C1S: variants seen among roughly 807,000 people sequenced by gnomAD.
The protein encoded by C1S is complement C1s.
C1S carries 31 observed loss-of-function variants against 54.0 expected under a neutral mutation model. That is an observed-to-expected ratio of 0.57 (90% CI 0.43 to 0.78). The LOEUF (loss-of-function observed/expected upper bound fraction) is 0.78. C1S is among the 30% of genes least tolerant of loss of function. The pLI, the probability that C1S is intolerant of heterozygous loss-of-function variation, is 0.00. For synonymous variants in C1S, 292 were observed against 303.6 expected (o/e 0.96, Z 0.40); for missense variants, 727 against 851.8 (o/e 0.85, Z 1.82).
Position 7,070,115 on chromosome 12 carries a change from C to T in C1S, c.1531C>T (p.His511Tyr), listed in dbSNP as rs1565624758. The change falls in exon 12 of 12, where the codon CAT becomes TAT. Residue 511 changes from histidine (H) to tyrosine (Y), a missense_variant. Around this residue, in one of 3 missense-constraint regions of C1S, gnomAD observed 360 missense variants for 453.6 expected, o/e 0.79. Transcript: ENST00000360817. This position sits in a 1 kb window ranked among gnomAD's most constrained non-coding sequence, Gnocchi z 4.9. ...KMLTPEHVFI[H>Y]PGWKLLEVPE... is the part of the protein sequence containing the mutation. ...GCTCACTCCTGAGCATGTGTTTATT[C>T]ATCCGGGATGGAAGCTGCTGGAAGT... 1 of 1,614,060 alleles carries T rather than the reference C, an allele frequency of 6.2e-7. No homozygotes were observed. The highest frequency in any genetic ancestry group is 1.3e-5 in the African/African-American group (1 of 74,936).
At chr12:7,063,488 A>G (rs782283580) in intron 4 of C1S, 48 of 383,136 alleles carry the variant, frequency 1.3e-4, no homozygotes, top group South Asian at 8.4e-4. Context: ...CCCATTCAAT[A>G]TATGGCATTC....
intron 11 of C1S, among the ~76,000 whole-genome samples, chr12:7,068,991 TG>T (rs1937757132): frequency 6.6e-6 from 1 of 152,224 alleles, no homozygotes; most frequent in Non-Finnish European, 1.5e-5. Context: ...ATAACCATCC[TG>T]GGTGGTACTG....
At position 7,070,287 on chromosome 12, in the gene C1S, C is replaced by T. The variant is rs1937813563; in HGVS notation, c.1703C>T (p.Ser568Leu). Residue 568 changes from serine (S) to leucine (L), a missense_variant, in exon 12 of 12, where the codon TCA becomes TTA. Coordinates refer to ENST00000360817, the MANE Select transcript of C1S (RefSeq NM_001734.5). The surrounding 1 kb of genome is among the most constrained non-coding windows in gnomAD (Gnocchi z 4.9). Reference protein sequence around the residue: ...NLMDGDLGLISGWGRTEKRDR... With the variant: ...NLMDGDLGLILGWGRTEKRDR... ...ATGGATGGGGACCTGGGACTGATCT[C>T]AGGCTGGGGCCGAACAGAGAAGAGA... The T allele has an allele frequency of 6.2e-7, 1 of 1,614,132 alleles. No individual in the cohort carries two copies. Among genetic ancestry groups the T allele is most frequent in the Non-Finnish European group, 8.5e-7 (1 of 1,180,046 alleles).
chr12:7,062,121 AT>A, intron 2 of C1S: 9 of 587,950 alleles, frequency 1.5e-5, no homozygotes, highest in Middle Eastern at 4.6e-4. Flanking sequence ...AAAAAAAAAA[AT>A]TAGCCCAGCG....
chr12:7,070,461 A>T lies in C1S; in HGVS notation c.1877A>T (p.Asp626Val), dbSNP rs1555163084. The change falls in exon 12 of 12, where the codon GAT (aspartate) becomes GTT (valine). Residue 626 changes from aspartate (D) to valine (V), a missense_variant. Asp to Val is a radical substitution (Grantham distance 152). Around this residue, in one of 3 missense-constraint regions of C1S, gnomAD observed 360 missense variants for 453.6 expected, o/e 0.79. Coordinates refer to ENST00000360817, the MANE Select transcript of C1S (RefSeq NM_001734.5). This position sits in a 1 kb window ranked among gnomAD's most constrained non-coding sequence, Gnocchi z 4.9. ...MICAGGEKGM[D>V]SCKGDSGGAF... ...TGTGCTGGAGGAGAGAAGGGCATGG[A>T]TAGCTGTAAAGGGGACAGTGGTGGG... 4 of 1,614,104 alleles carry T rather than the reference A, an allele frequency of 2.5e-6. No homozygotes were observed. Among genetic ancestry groups the T allele is most frequent in the Non-Finnish European group, 2.5e-6 (3 of 1,180,050 alleles).
chr12:7,070,928 G>A lies in C1S; in HGVS notation c.*277G>A. 4.4e-6 allele frequency: 2 copies of A among 452,338 alleles called. No individual in the cohort carries two copies. The highest frequency in any genetic ancestry group is 4.2e-5 in the East Asian group (1 of 23,606). The allele number at this position is 452,338 out of a possible 1,614,324, so 28.0% of individuals were successfully genotyped here. On this transcript the variant is annotated 3_prime_UTR_variant, in exon 12 of 12. Transcript: ENST00000360817. The surrounding 1 kb of genome is among the most constrained non-coding windows in gnomAD (Gnocchi z 4.9). ...ACTCCTTTCTTGCACTATTCCACAGGGATACCTTAATTCTTTGTTTCCTCT... is the reference window on the plus strand; with the variant it reads ...ACTCCTTTCTTGCACTATTCCACAGAGATACCTTAATTCTTTGTTTCCTCT...
chr12:7,066,031 T>C (rs1947172629), intron 7 of C1S, 61 bp downstream of exon 7: 1 of 1,459,868 alleles, frequency 6.8e-7, no homozygotes, highest in African/African-American at 1.4e-5. Context: ...CAATGTGGGA[T>C]CAAAGCAGGT....
intron 1 of C1S, chr12:7,061,638 A>G: frequency 1.8e-6 from 1 of 546,724 alleles, no homozygotes; most frequent in Admixed American, 3.0e-5. Context: ...TGAGGGAAGG[A>G]TACAATTTAG....
At chr12:7,064,242 C>T (rs1555161728) in intron 4 of C1S, 25 bp from the exon 5 acceptor site, 1 of 1,613,450 alleles carries the variant, frequency 6.2e-7, no homozygotes, top group African/African-American at 1.3e-5. Context: ...TGTTCTTGAC[C>T]TCAGCCTCTT....
intron 3 of C1S, 44 bp from the exon 4 acceptor site, chr12:7,062,846 A>G (rs1165187308): frequency 6.2e-7 from 1 of 1,603,388 alleles, no homozygotes; most frequent in Non-Finnish European, 8.5e-7. Flanking sequence ...CCATACCAAA[A>G]TATTACCCTT....
At position 7,062,875 on chromosome 12, in the gene C1S, T is replaced by G. The variant is rs1947117243; in HGVS notation, c.214-15T>G. On this transcript the variant is annotated splice_polypyrimidine_tract_variant and intron_variant, in intron 3 of 11. Coordinates refer to ENST00000360817, the MANE Select transcript of C1S (RefSeq NM_001734.5). Reference sequence around the variant, plus strand: ...TACCCTTTCCTAGATTTTTTTTTTGTGACTCTTCTCTTAGATAATCTCAGG... The same window carrying G: ...TACCCTTTCCTAGATTTTTTTTTTGGGACTCTTCTCTTAGATAATCTCAGG... 3 of 1,612,444 alleles carry G rather than the reference T, an allele frequency of 1.9e-6. No individual in the cohort carries two copies. Among genetic ancestry groups the G allele is most frequent in the Non-Finnish European group, 2.5e-6 (3 of 1,179,428 alleles).
At position 7,065,167 on chromosome 12, in the gene C1S, A is replaced by G. The variant is rs1555161931; in HGVS notation, c.585A>G (p.Pro195=). The G allele has an allele frequency of 1.9e-6, 3 of 1,614,028 alleles. No homozygotes were observed. The highest frequency in any genetic ancestry group is 4.5e-5 in the East Asian group (2 of 44,888). The change falls in exon 6 of 12, where the codon CCA becomes CCG. Residue 195 remains proline, a synonymous_variant. Coordinates refer to ENST00000360817, the MANE Select transcript of C1S (RefSeq NM_001734.5). ...GEIASPNYPK[P]YPENSRCEYQ... The stretch of plus-strand genomic sequence containing the variant: ...TTGCAAGTCCCAATTATCCCAAACC[A>G]TATCCAGAGAACTCAAGGTGTGAAT...
chr12:7,065,288 G>T lies in C1S; in HGVS notation c.706G>T (p.Asp236Tyr), dbSNP rs782180349. The change falls in exon 6 of 12, where the codon GAC (aspartate) becomes TAC (tyrosine). Residue 236 changes from aspartate (D) to tyrosine (Y), a missense_variant. By Grantham distance (160) the Asp-to-Tyr change is radical. Transcript: ENST00000360817. ...EAADSAGNCL[D>Y]SLVFVAGDRQ... The stretch of plus-strand genomic sequence containing the variant: ...AGCTGACTCAGCGGGAAACTGCCTT[G>T]ACAGTTTAGTTGTGCGTGATGGTTG... 1 of 1,613,156 alleles carries T rather than the reference G, an allele frequency of 6.2e-7. No homozygotes were observed. Among genetic ancestry groups the T allele is most frequent in the Non-Finnish European group, 8.5e-7 (1 of 1,179,126 alleles).
chr12:7,068,466 C>T lies in C1S; in HGVS notation c.1206C>T (p.His402=). The change falls in exon 11 of 12, where the codon CAC becomes CAT. Residue 402 remains histidine (H), a synonymous_variant. Coordinates refer to ENST00000360817, the MANE Select transcript of C1S (RefSeq NM_001734.5). ...YMENGGGGEY[H]CAGNGSWVNE... is the part of the protein sequence containing the mutation. Reference sequence around the variant, plus strand: ...TCTGTGCTATTCCAGGGGAGTATCACTGTGCTGGTAACGGGAGCTGGGTGA... The same window carrying T: ...TCTGTGCTATTCCAGGGGAGTATCATTGTGCTGGTAACGGGAGCTGGGTGA... The T allele has an allele frequency of 3.7e-6, 6 of 1,612,954 alleles. No individual in the cohort carries two copies. Among genetic ancestry groups the T allele is most frequent in the Non-Finnish European group, 5.1e-6 (6 of 1,178,960 alleles).
chr12:7,067,708 T>C lies in C1S; in HGVS notation c.1132T>C (p.Phe378Leu). ...AGTTGAAGACCCAGAGAGCACTTTG[T>C]TTGGTTCTGTCATCCGCTACACTTG... ...GKVEDPESTL[F>L]GSVIRYTCEE... The change falls in exon 10 of 12, where the codon TTT becomes CTT. Residue 378 changes from phenylalanine to leucine, a missense_variant. Phe to Leu is a conservative substitution (Grantham distance 22, BLOSUM62 0). Around this residue, in one of 3 missense-constraint regions of C1S, gnomAD observed 360 missense variants for 453.6 expected, o/e 0.79. Coordinates refer to ENST00000360817, the MANE Select transcript of C1S (RefSeq NM_001734.5). The C allele has an allele frequency of 6.2e-7, 1 of 1,614,064 alleles. No homozygotes were observed. The highest frequency in any genetic ancestry group is 8.5e-7 in the Non-Finnish European group (1 of 1,179,922).
chr12:7,066,683 G>A (rs1555162313), intron 8 of C1S, 50 bp downstream of exon 8: 5 of 1,085,932 alleles, frequency 4.6e-6, no homozygotes, highest in East Asian at 4.7e-5. Flanking sequence ...AGATCAGGAT[G>A]AGCGGACTGA....
At position 7,064,490 on chromosome 12, in the gene C1S, A is replaced by G. The variant is rs1591577175; in HGVS notation, c.517+98A>G. 1.8e-5 allele frequency: 22 copies of G among 1,239,914 alleles called. No homozygotes were observed. In the East Asian group the frequency reaches 5.0e-4, roughly 28 times the overall value. 76.8% of individuals were successfully genotyped at this position (1,239,914 alleles called of 1,614,324 possible). A position where few individuals can be genotyped will look rare whatever the true frequency, so the allele number is the denominator to read the frequency against. Reference sequence around the variant, plus strand: ...CCACCCTTCCAACTTCGATTAGGCCAAGCCTTCATTTGGCACTTCTTTTTT... The same window carrying G: ...CCACCCTTCCAACTTCGATTAGGCCGAGCCTTCATTTGGCACTTCTTTTTT... On this transcript the variant is annotated intron_variant, in intron 5 of 11. Transcript: ENST00000360817.
chr12:7,063,658 G>A (rs1299398469), intron 4 of C1S, among the ~76,000 whole-genome samples: 1 of 152,170 alleles, frequency 6.6e-6, no homozygotes, highest in East Asian at 1.9e-4. Flanking sequence ...TCGTCATGAT[G>A]TTTACCTTGC....
intron 11 of C1S, among the ~76,000 whole-genome samples, chr12:7,069,332 C>T (rs1291963791): frequency 6.6e-6 from 1 of 152,108 alleles, no homozygotes; most frequent in African/African-American, 2.4e-5. Flanking sequence ...GAAGGGACCC[C>T]TCTCTACTTC....
Sources: gnomAD v4.1 joint callset for allele counts (sites outside exome capture counted in the v4.1 genomes callset) on GRCh38, gnomAD v4.1.1 for gene constraint, gnomAD v4.1.1 regional missense constraint, Gnocchi (gnomAD v3.1) non-coding constraint, MANE v1.5 for transcripts, NCBI Gene and HGNC (gene_info 2026-07-23, HGNC 2026-07-21) for gene names.